Variants in ST6GAL2 observed in about 807,000 individuals in gnomAD.
ST6GAL2 encodes beta-galactoside alpha-2,6-sialyltransferase 2.
In ST6GAL2, 24 loss-of-function variants were observed where a neutral mutation model predicts 37.5. The observed-to-expected ratio is 0.64, with a 90% CI of 0.46 to 0.90. The LOEUF (loss-of-function observed/expected upper bound fraction) is 0.90, where lower values mean the gene tolerates loss of function less well. ST6GAL2 is among the 40% of genes least tolerant of loss of function. The pLI is 0.00. For missense variants in ST6GAL2, 715 were observed against 712.7 expected, an observed-to-expected ratio of 1.00 and a Z score of -0.04; for synonymous variants, 306 against 295.1, an observed-to-expected ratio of 1.04 and a Z score of -0.38.
In ST6GAL2 at chr2:106,843,345, G is replaced by A. The variant is rs2104517887; in HGVS notation, c.633C>T (p.Asn211=). The change falls in exon 2 of 6, where the codon AAC becomes AAT. Residue 211 remains asparagine (N), a synonymous_variant. Transcript: ENST00000409382. ...RAFLYRLWKG[N]VSSKMLNPRL... ...GCGGGTTCAGCATTTTGGAAGAGAC[G>A]TTCCCCTTCCAGAGCCGGTACAGGA... is the stretch of plus-strand genomic sequence containing the variant. 6 of 1,614,102 alleles carry A rather than the reference G, an allele frequency of 3.7e-6. No homozygotes were observed. Among genetic ancestry groups the A allele is most frequent in the Non-Finnish European group, 5.1e-6 (6 of 1,180,012 alleles).
At position 106,843,098 on chromosome 2, in the gene ST6GAL2, G is replaced by A. The variant is rs1676965372; in HGVS notation, c.880C>T (p.Arg294Cys). Residue 294 changes from arginine to cysteine, a missense_variant, in exon 2 of 6, where the codon CGC (arginine) becomes TGC (cysteine). Arg to Cys is a radical substitution (Grantham distance 180). This residue lies in a region of ST6GAL2 where 512 missense variants were observed against 488.8 expected (regional missense o/e 1.05). Coordinates refer to ENST00000409382, the MANE Select transcript of ST6GAL2 (RefSeq NM_001142351.2). Reference protein sequence around the residue: ...PLSQLHPRGLRSCAVVMSAGA... With the variant: ...PLSQLHPRGLCSCAVVMSAGA... ...GCAGACATGACGACAGCGCAGCTGCGCAGGCCGCGGGGGTGCAGCTGGCTC... is the reference window on the plus strand; with the variant it reads ...GCAGACATGACGACAGCGCAGCTGCACAGGCCGCGGGGGTGCAGCTGGCTC... 7 of 1,524,972 alleles carry A rather than the reference G, an allele frequency of 4.6e-6. No homozygotes were observed. The highest frequency in any genetic ancestry group is 6.1e-6 in the Non-Finnish European group (7 of 1,142,608). The allele number at this position is 1,524,972 out of a possible 1,614,324, so 94.5% of individuals were successfully genotyped here. A position where few individuals can be genotyped will look rare whatever the true frequency, so the allele number is the denominator to read the frequency against.
At chr2:106,824,479 A>G (rs574447957) in intron 5 of ST6GAL2, among the ~76,000 whole-genome samples, 59 of 152,234 alleles carry the variant, frequency 3.9e-4, no homozygotes, top group Non-Finnish European at 7.2e-4. Flanking sequence ...AAGAATACAA[A>G]AAATTAGCTG....
At chr2:106,852,487 A>G (rs989552987) in intron 1 of ST6GAL2, among the ~76,000 whole-genome samples, 5 of 152,216 alleles carry the variant, frequency 3.3e-5, no homozygotes, top group Non-Finnish European at 7.3e-5. Context: ...CACAATGGGG[A>G]TGCCTGTAAG....
intron 5 of ST6GAL2, among the ~76,000 whole-genome samples, chr2:106,819,816 T>C (rs1675933330): frequency 6.6e-6 from 1 of 151,880 alleles, no homozygotes; most frequent in Non-Finnish European, 1.5e-5. Flanking sequence ...AAAAAAGATA[T>C]AAAGAGAAAC....
intron 1 of ST6GAL2, among the ~76,000 whole-genome samples, chr2:106,846,779 G>T (rs891640009): frequency 6.6e-6 from 1 of 152,192 alleles, no homozygotes; most frequent in African/African-American, 2.4e-5. Context: ...GCCAAGAAGC[G>T]AGCGTAGAAG....
intron 1 of ST6GAL2, among the ~76,000 whole-genome samples, chr2:106,857,713 G>T (rs1677634724): frequency 2.0e-5 from 3 of 152,098 alleles, no homozygotes; most frequent in Admixed American, 2.0e-4. Context: ...GCCCTTCAAA[G>T]AAATTTCTTA....
intron 1 of ST6GAL2, 54 bp from the exon 2 acceptor site, chr2:106,844,088 G>A (rs1053468471): frequency 4.8e-6 from 4 of 831,782 alleles, no homozygotes; most frequent in South Asian, 3.7e-5. Context: ...CTCAGATGCT[G>A]CTGGGGACAT....
In ST6GAL2 at chr2:106,806,673, C is replaced by G. The variant is rs774275647; in HGVS notation, c.*5G>C. ...TATTGCACATTGATTCCCAAGAAAC[C>G]CTTTTTAAGAGTGTGGAATGACTGG... On this transcript the variant is annotated 3_prime_UTR_variant, in exon 6 of 6. Coordinates refer to ENST00000409382, the MANE Select transcript of ST6GAL2 (RefSeq NM_001142351.2). 1.2e-6 allele frequency: 2 copies of G among 1,611,612 alleles called. No individual in the cohort carries two copies. Among genetic ancestry groups the G allele is most frequent in the South Asian group, 1.1e-5 (1 of 90,918 alleles).
rs1407677446 is a variant in ST6GAL2 at position 106,805,584 on chromosome 2, G to T, written c.*1094C>A. 1 of 152,178 alleles carries T rather than the reference G, an allele frequency of 6.6e-6. No individual in the cohort carries two copies. Among genetic ancestry groups the T allele is most frequent in the Non-Finnish European group, 1.5e-5 (1 of 68,028 alleles). 9.4% of individuals were successfully genotyped at this position (152,178 alleles called of 1,614,324 possible). ...AACATATCTGCAAAAGCAAGGACTG[G>T]ATTCCTAAATGTCTGTAGGAAGATT... On this transcript the variant is annotated 3_prime_UTR_variant, in exon 6 of 6. Transcript: ENST00000409382.
intron 1 of ST6GAL2, among the ~76,000 whole-genome samples, chr2:106,862,949 A>G (rs377415126): frequency 4.6e-5 from 7 of 152,218 alleles, no homozygotes; most frequent in East Asian, 1.9e-4. Context: ...AATGATTACA[A>G]TAATAGAATC....
chr2:106,823,472 CACACACACACACACAG>C (rs1309050033), intron 5 of ST6GAL2, among the ~76,000 whole-genome samples: 112 of 86,064 alleles, frequency 1.3e-3, no homozygotes, highest in African/African-American at 2.0e-3. Context: ...CACACACACA[CACACACACACACACAG>C]AGAGAGAGAG....
intron 1 of ST6GAL2, among the ~76,000 whole-genome samples, chr2:106,863,997 C>A (rs1677917324): frequency 6.6e-6 from 1 of 152,194 alleles, no homozygotes; most frequent in Admixed American, 6.5e-5. Context: ...GTGGGCATGG[C>A]CCATGATCCT....
chr2:106,844,132 G>T, intron 1 of ST6GAL2, 98 bp from the exon 2 acceptor site: 1 of 593,480 alleles, frequency 1.7e-6, no homozygotes, highest in Non-Finnish European at 2.8e-6. Context: ...AGGTGGTGGG[G>T]TGGGGTTGTA....
intron 1 of ST6GAL2, among the ~76,000 whole-genome samples, chr2:106,857,741 C>T (rs1677635221): frequency 6.6e-6 from 1 of 152,278 alleles, no homozygotes; most frequent in Non-Finnish European, 1.5e-5. Flanking sequence ...GTTTTCAGCT[C>T]TGCCCTCTGA....
chr2:106,832,510 T>G (rs2104474434), intron 4 of ST6GAL2, 55 bp downstream of exon 4: 1 of 885,818 alleles, frequency 1.1e-6, no homozygotes, highest in Non-Finnish European at 1.8e-6. Flanking sequence ...TTATGATTAA[T>G]TAGTCAAAGC....
intron 1 of ST6GAL2, among the ~76,000 whole-genome samples, chr2:106,846,913 A>G (rs1411452362): frequency 6.6e-6 from 1 of 152,152 alleles, no homozygotes; most frequent in Non-Finnish European, 1.5e-5. Context: ...CATTTTCTAG[A>G]TGAGGGAACT....
At chr2:106,817,898 T>A (rs1454145264) in intron 5 of ST6GAL2, among the ~76,000 whole-genome samples, 1 of 151,622 alleles carries the variant, frequency 6.6e-6, no homozygotes, top group African/African-American at 2.4e-5. Flanking sequence ...GACTGAAGAG[T>A]CCTTGGGCCT....
In ST6GAL2 at chr2:106,832,590, G is replaced by T. The variant is rs1676466488; in HGVS notation, c.1118C>A (p.Ala373Asp). The T allele has an allele frequency of 6.3e-7, 1 of 1,595,920 alleles. No individual in the cohort carries two copies. The highest frequency in any genetic ancestry group is 8.5e-7 in the Non-Finnish European group (1 of 1,172,994). ...KDVILVAWDP[A>D]PYSANLNLWY... Reference sequence around the variant, plus strand: ...CAGGTTAAGATTTGCGGAATATGGGGCAGGGTCCCAGGCCACCAAAATGAC... The same window carrying T: ...CAGGTTAAGATTTGCGGAATATGGGTCAGGGTCCCAGGCCACCAAAATGAC... Residue 373 changes from alanine (A) to aspartate (D), a missense_variant, in exon 4 of 6, where the codon GCC (alanine) becomes GAC (aspartate). Coordinates refer to ENST00000409382, the MANE Select transcript of ST6GAL2 (RefSeq NM_001142351.2).
chr2:106,821,893 T>A (rs1206776624), intron 5 of ST6GAL2, among the ~76,000 whole-genome samples: 1 of 151,862 alleles, frequency 6.6e-6, no homozygotes, highest in Non-Finnish European at 1.5e-5. Flanking sequence ...ATTAACAAAA[T>A]GAAGGACAAA....
Sources: gnomAD v4.1 joint callset for allele counts (sites outside exome capture counted in the v4.1 genomes callset) on GRCh38, gnomAD v4.1.1 for gene constraint, gnomAD v4.1.1 regional missense constraint, MANE v1.5 for transcripts, NCBI Gene and HGNC (gene_info 2026-07-23, HGNC 2026-07-21) for gene names.